Variants in TFE3 observed in about 807,000 individuals in gnomAD.
TFE3 encodes transcription factor E3.
A neutral mutation model predicts 35.0 loss-of-function variants in TFE3; 5 were observed. The ratio of observed to expected loss-of-function variants is 0.14; its 90% CI spans 0.07 to 0.30. The LOEUF (loss-of-function observed/expected upper bound fraction) is 0.30, where lower values mean the gene tolerates loss of function less well. TFE3 is among the 10% of genes least tolerant of loss of function. The probability of loss-of-function intolerance (pLI) is 1.00; values close to 1 mark genes in which losing one functional copy is unlikely to be tolerated. For synonymous variants in TFE3, 211 were observed against 215.6 expected, an observed-to-expected ratio of 0.98 and a Z score of 0.18; for missense variants, 374 against 496.6, an observed-to-expected ratio of 0.75 and a Z score of 2.35.
At chrX:49,036,474 AAAAAAAAATTCAATAAAAAATAAAT>A (rs1460602486) in intron 5 of TFE3, among the ~76,000 whole-genome samples, 1 of 50,050 alleles carries the variant, frequency 2.0e-5, no homozygotes, top group Non-Finnish European at 4.1e-5. Flanking sequence ...CTCAAAAAAA[AAAAAAAAATTCAATAAAAAATAAAT>A]AAATAAATAA....
chrX:49,038,463 G>C, intron 3 of TFE3, 21 bp from the exon 4 acceptor site: 1 of 1,190,991 alleles, frequency 8.4e-7, no homozygotes, highest in Non-Finnish European at 1.1e-6. Flanking sequence ...AGGTAGACAA[G>C]GAAAGAGAGG....
At position 49,043,202 on chromosome X, in the gene TFE3, G is replaced by A. The variant is rs1176873274; in HGVS notation, c.25C>T (p.Arg9Trp). ...TCCGCGCTGGCCTCTACGCCATCCC[G>A]AGCTGGTTCGGCCGCATGAGACATG... Reference protein sequence around the residue: MSHAAEPARDGVEASAEGP... With the variant: MSHAAEPAWDGVEASAEGP... The change falls in exon 1 of 10, where the codon CGG becomes TGG. Residue 9 changes from arginine to tryptophan, a missense_variant. By Grantham distance (101) the Arg-to-Trp change is moderately radical (BLOSUM62 -3). Transcript: ENST00000315869. The A allele has an allele frequency of 8.5e-7, 1 of 1,174,543 alleles. No individual in the cohort carries two copies. Among genetic ancestry groups the A allele is most frequent in the Non-Finnish European group, 1.1e-6 (1 of 879,661 alleles).
intron 9 of TFE3, among the ~76,000 whole-genome samples, 199 bp from the exon 10 acceptor site, chrX:49,030,800 G>C (rs1333961192): frequency 9.0e-6 from 1 of 111,644 alleles, no homozygotes; most frequent in African/African-American, 3.3e-5. Flanking sequence ...ATATAATAAT[G>C]GCCCCTAGGC....
In TFE3 at chrX:49,033,610, CAG is replaced by C; in HGVS notation, c.1061-72_1061-71del. 1.2e-5 allele frequency: 14 copies of C among 1,186,287 alleles called. No homozygotes were observed. In the South Asian group the frequency reaches 2.5e-4, roughly 21 times the overall value. ...GTCAATTAGCCAAAAATGGAAGAGA[CAG>C]AAAGTAGGGAGTTGGGAGGCTGTTG... On this transcript the variant is annotated intron_variant, in intron 7 of 9. Transcript: ENST00000315869.
At position 49,028,774 on chromosome X, in the gene TFE3, A is replaced by C. The variant is rs781953545; in HGVS notation, c.*1384T>G. The C allele has an allele frequency of 3.6e-4, 60 of 166,311 alleles. No homozygotes were observed. The highest frequency in any genetic ancestry group is 1.3e-3 in the South Asian group (4 of 3,177). 13.7% of individuals were successfully genotyped at this position (166,311 alleles called of 1,213,427 possible). On this transcript the variant is annotated 3_prime_UTR_variant, in exon 10 of 10. Transcript: ENST00000315869. Reference sequence around the variant, plus strand: ...AAACACGCCTAGCTTTTATTATTTTAATCACAAACCTATAGACCCCTCAGT... The same window carrying C: ...AAACACGCCTAGCTTTTATTATTTTCATCACAAACCTATAGACCCCTCAGT...
intron 1 of TFE3, 73 bp from the exon 2 acceptor site, chrX:49,040,641 GA>G (rs2064755702): frequency 2.7e-6 from 2 of 734,642 alleles, no homozygotes; most frequent in Non-Finnish European, 4.2e-6. Flanking sequence ...CTGAGACAGA[GA>G]AAGAGAGAGA....
At chrX:49,041,411 T>C (rs186337523) in intron 1 of TFE3, among the ~76,000 whole-genome samples, 2 of 111,684 alleles carry the variant, frequency 1.8e-5, no homozygotes, top group East Asian at 5.7e-4. Context: ...ATTTCACAAA[T>C]GAGTTTCTCC....
intron 9 of TFE3, 98 bp downstream of exon 9, chrX:49,031,299 A>G: frequency 3.0e-6 from 3 of 1,011,306 alleles, no homozygotes; most frequent in African/African-American, 1.9e-5. Flanking sequence ...GGATCCCCCA[A>G]GTATGCCAGG....
At chrX:49,030,816 G>A (rs1378634559) in intron 9 of TFE3, among the ~76,000 whole-genome samples, 6 of 111,267 alleles carry the variant, frequency 5.4e-5, no homozygotes, top group South Asian at 7.4e-4. Context: ...TAGGCTGGGC[G>A]CGGTGGCTCA....
At chrX:49,035,616 C>G (rs2064724998) in intron 5 of TFE3, among the ~76,000 whole-genome samples, 1 of 105,067 alleles carries the variant, frequency 9.5e-6, no homozygotes, top group Non-Finnish European at 1.9e-5. Flanking sequence ...ACTGTGTTAG[C>G]CAGGATGGTC....
At position 49,034,255 on chromosome X, in the gene TFE3, G is replaced by A; in HGVS notation, c.886-4C>T. 8.8e-7 allele frequency: 1 copy of A among 1,135,493 alleles called. No homozygotes were observed. Among genetic ancestry groups the A allele is most frequent in the Middle Eastern group, 2.4e-4 (1 of 4,217 alleles). 93.6% of individuals were successfully genotyped at this position (1,135,493 alleles called of 1,213,427 possible). A position where few individuals can be genotyped will look rare whatever the true frequency, so the allele number is the denominator to read the frequency against. ...GCAGATTCCCTGACACAGGCAGCTGGGGGCAGAGAGGGCAGAGAACCACCA... is the reference window on the plus strand; with the variant it reads ...GCAGATTCCCTGACACAGGCAGCTGAGGGCAGAGAGGGCAGAGAACCACCA... On this transcript the variant is annotated splice_region_variant and splice_polypyrimidine_tract_variant and intron_variant, in intron 5 of 9. Transcript: ENST00000315869.
chrX:49,042,437 C>G (rs1043130408), intron 1 of TFE3, among the ~76,000 whole-genome samples: 1 of 111,446 alleles, frequency 9.0e-6, no homozygotes, highest in East Asian at 2.8e-4. Context: ...GGCTTTTCCA[C>G]TATCCTTGGG....
chrX:49,033,669 C>A, intron 7 of TFE3, 57 bp downstream of exon 7: 1 of 1,197,397 alleles, frequency 8.4e-7, no homozygotes, highest in African/African-American at 1.7e-5. Flanking sequence ...GGGGCCAGGA[C>A]TCGGGGTGAG....
Position 49,043,339 on chromosome X carries a change from G to T in TFE3, c.-113C>A. On this transcript the variant is annotated 5_prime_UTR_variant, in exon 1 of 10. Coordinates refer to ENST00000315869, the MANE Select transcript of TFE3 (RefSeq NM_006521.6). ...TCGCCACCGCCGCCTCCTCCGCTAA[G>T]CCATGGAGCTAGCACTGCGCGGGCG... is the stretch of plus-strand genomic sequence containing the variant. 1.7e-6 allele frequency: 1 copy of T among 580,785 alleles called. No homozygotes were observed. The highest frequency in any genetic ancestry group is 2.6e-6 in the Non-Finnish European group (1 of 388,847). The allele number at this position is 580,785 out of a possible 1,213,427, so 47.9% of individuals were successfully genotyped here. A position where few individuals can be genotyped will look rare whatever the true frequency, so the allele number is the denominator to read the frequency against.
Position 49,029,379 on chromosome X carries a change from C to T in TFE3, c.*779G>A, listed in dbSNP as rs2064684948. On this transcript the variant is annotated 3_prime_UTR_variant, in exon 10 of 10. Coordinates refer to ENST00000315869, the MANE Select transcript of TFE3 (RefSeq NM_006521.6). Reference sequence around the variant, plus strand: ...TTGGTCCCAGGTTAAGGCAGGGGAGCTTAAGTACCACTCCTCCCTGCAGTG... The same window carrying T: ...TTGGTCCCAGGTTAAGGCAGGGGAGTTTAAGTACCACTCCTCCCTGCAGTG... 1 of 197,525 alleles carries T rather than the reference C, an allele frequency of 5.1e-6. No homozygotes were observed. The highest frequency in any genetic ancestry group is 1.9e-4 in the South Asian group (1 of 5,356). 16.3% of individuals were successfully genotyped at this position (197,525 alleles called of 1,213,427 possible). A position where few individuals can be genotyped will look rare whatever the true frequency, so the allele number is the denominator to read the frequency against.
intron 5 of TFE3, among the ~76,000 whole-genome samples, chrX:49,034,562 G>A (rs782032021): frequency 3.5e-4 from 39 of 111,539 alleles, no homozygotes; most frequent in African/African-American, 1.2e-3. Context: ...CCCAAACCCC[G>A]GGGCTGGCTC....
At chrX:49,040,605 G>T in intron 1 of TFE3, 37 bp from the exon 2 acceptor site, 1 of 982,013 alleles carries the variant, frequency 1.0e-6, no homozygotes, top group South Asian at 2.0e-5. Flanking sequence ...GTGATTGAAT[G>T]AAGGACCTTA....
At chrX:49,034,110 TG>T in intron 6 of TFE3, 23 bp downstream of exon 6, 1 of 1,168,307 alleles carries the variant, frequency 8.6e-7, no homozygotes, top group Non-Finnish European at 1.2e-6. Flanking sequence ...TGTAGGGCCA[TG>T]GGGCCAAGAC....
chrX:49,038,953 T>C (rs1445248369), intron 3 of TFE3, among the ~76,000 whole-genome samples, 154 bp downstream of exon 3: 2 of 110,228 alleles, frequency 1.8e-5, no homozygotes, highest in African/African-American at 6.6e-5. Flanking sequence ...ACATGAGACA[T>C]GAACACAGAT....
Sources: gnomAD v4.1 joint callset for allele counts (sites outside exome capture counted in the v4.1 genomes callset) on GRCh38, gnomAD v4.1.1 for gene constraint, MANE v1.5 for transcripts, NCBI Gene and HGNC (gene_info 2026-07-23, HGNC 2026-07-21) for gene names.